NALF1: variants seen among roughly 807,000 people sequenced by gnomAD.
The protein encoded by NALF1 is family with sequence similarity 155 member A.
A neutral mutation model predicts 48.4 loss-of-function variants in NALF1; 3 were observed. That is an observed-to-expected ratio of 0.06 (90% CI 0.03 to 0.16). NALF1 has a LOEUF of 0.16. Ranked by LOEUF, NALF1 falls within the 10% of genes least tolerant of loss-of-function variation. The pLI, the probability that NALF1 is intolerant of heterozygous loss-of-function variation, is 1.00. For synonymous variants in NALF1, 262 were observed against 245.7 expected (o/e 1.07, Z -0.62); for missense variants, 526 against 571.5 (o/e 0.92, Z 0.81).
intron 1 of NALF1, among the ~76,000 whole-genome samples, chr13:107,748,807 T>G (rs1876852069): frequency 6.6e-6 from 1 of 152,174 alleles, no homozygotes; most frequent in African/African-American, 2.4e-5. Context: ...TATTTGGGTT[T>G]TACCCACAAA....
intron 1 of NALF1, among the ~76,000 whole-genome samples, chr13:107,336,608 T>C (rs1882562076): frequency 6.6e-6 from 1 of 152,052 alleles, no homozygotes; most frequent in Non-Finnish European, 1.5e-5. Context: ...ACTCACACAC[T>C]CTCAACCAAC....
At chr13:107,540,211 A>G (rs1445318794) in intron 1 of NALF1, among the ~76,000 whole-genome samples, 2 of 152,124 alleles carry the variant, frequency 1.3e-5, no homozygotes, top group Non-Finnish European at 2.9e-5. Flanking sequence ...CTCTTTAAGT[A>G]TAGTAGGAAT....
At chr13:107,686,913 T>G (rs112024374) in intron 1 of NALF1, among the ~76,000 whole-genome samples, 10 of 152,132 alleles carry the variant, frequency 6.6e-5, no homozygotes, top group African/African-American at 2.4e-4. Context: ...GAACTAAAAA[T>G]AGATCTACCA....
chr13:107,854,877 AAAAAAAG>A (rs1880405388), intron 1 of NALF1, among the ~76,000 whole-genome samples: 1 of 151,380 alleles, frequency 6.6e-6, no homozygotes, highest in Admixed American at 6.6e-5. Context: ...TCAAAAAAAA[AAAAAAAG>A]AAAAAAAGAC....
chr13:107,413,195 T>C (rs1884022132), intron 1 of NALF1, among the ~76,000 whole-genome samples: 1 of 151,290 alleles, frequency 6.6e-6, no homozygotes, highest in Non-Finnish European at 1.5e-5. Flanking sequence ...ATGAAATAGT[T>C]AGTATTCATT....
At chr13:107,818,194 G>C (rs1387368481) in intron 1 of NALF1, among the ~76,000 whole-genome samples, 1 of 152,144 alleles carries the variant, frequency 6.6e-6, no homozygotes, top group Non-Finnish European at 1.5e-5. Flanking sequence ...ATCTTGAGGA[G>C]AGGTAAGCTT....
intron 2 of NALF1, among the ~76,000 whole-genome samples, chr13:107,205,315 T>G (rs974524118): frequency 2.0e-5 from 3 of 152,218 alleles, no homozygotes; most frequent in African/African-American, 7.2e-5. Flanking sequence ...AAATGTTTTT[T>G]CTTTTGCAGT....
intron 1 of NALF1, among the ~76,000 whole-genome samples, chr13:107,357,146 T>C (rs1242780244): frequency 6.6e-6 from 1 of 152,100 alleles, no homozygotes; most frequent in Non-Finnish European, 1.5e-5. Flanking sequence ...GACTGGGTAA[T>C]TTACAAAGGA....
At chr13:107,662,185 T>C (rs2093166805) in intron 1 of NALF1, among the ~76,000 whole-genome samples, 1 of 152,192 alleles carries the variant, frequency 6.6e-6, no homozygotes, top group Non-Finnish European at 1.5e-5. Context: ...ACTCTTCTCC[T>C]TCCCTTGGTG....
intron 1 of NALF1, among the ~76,000 whole-genome samples, chr13:107,777,021 G>A (rs1441457810): frequency 6.6e-6 from 1 of 152,100 alleles, no homozygotes; most frequent in Non-Finnish European, 1.5e-5. Context: ...GTGCCCAGGA[G>A]GTTGAAGCTT....
chr13:107,644,335 G>A (rs1277235351), intron 1 of NALF1, among the ~76,000 whole-genome samples: 1 of 150,934 alleles, frequency 6.6e-6, no homozygotes, highest in Non-Finnish European at 1.5e-5. Flanking sequence ...TACATACTCA[G>A]AAACATACGT....
chr13:107,636,228 T>C (rs955820291), intron 1 of NALF1, among the ~76,000 whole-genome samples: 2 of 152,090 alleles, frequency 1.3e-5, no homozygotes, highest in Non-Finnish European at 2.9e-5. Flanking sequence ...ACGGCCGAAT[T>C]ATTGAATCCA....
At position 107,854,945 on chromosome 13, in the gene NALF1, G is replaced by C. The variant is rs199548561; in HGVS notation, c.915+10737C>G. Among the ~76,000 whole-genome samples the C allele has an allele frequency of 7.2e-5, 11 of 152,038 alleles. No homozygotes were observed. The East Asian group carries it at 2.1e-3, about 29-fold the overall frequency. On this transcript the variant is annotated intron_variant, in intron 1 of 2. Coordinates refer to ENST00000375915, the MANE Select transcript of NALF1 (RefSeq NM_001080396.3). ...TCTGTGAGGCAGTTCATTTGGACTA[G>C]GAAAAGGCCAACTTTTGGTAAGAAA...
intron 2 of NALF1, among the ~76,000 whole-genome samples, chr13:107,201,253 T>C (rs763644226): frequency 3.9e-4 from 59 of 152,308 alleles, no homozygotes; most frequent in Non-Finnish European, 7.2e-4. Context: ...GCACATATCA[T>C]AGGCCTTGGA....
In NALF1 at chr13:107,398,192, C is replaced by T. The variant is rs531299496; in HGVS notation, c.916-187437G>A. 8.5e-5 allele frequency among the ~76,000 whole-genome samples: 13 copies of T among 152,234 alleles called. No individual in the cohort carries two copies. The South Asian group carries it at 1.9e-3, about 22-fold the overall frequency. ...GTTTAGAATCTTGCTCCTTGCAAAA[C>T]GATCATTGCTTACGTATTTTCTTAT... On this transcript the variant is annotated intron_variant, in intron 1 of 2. Transcript: ENST00000375915.
At chr13:107,540,264 A>G (rs970713429) in intron 1 of NALF1, among the ~76,000 whole-genome samples, 1 of 151,962 alleles carries the variant, frequency 6.6e-6, no homozygotes, top group Non-Finnish European at 1.5e-5. Context: ...GTCTACTGAG[A>G]GGAAATGGAA....
At chr13:107,321,955 C>T (rs2138914562) in intron 1 of NALF1, among the ~76,000 whole-genome samples, 1 of 152,186 alleles carries the variant, frequency 6.6e-6, no homozygotes, top group South Asian at 2.1e-4. Context: ...TTAATGGAGC[C>T]TTAACCCCTT....
At position 107,832,264 on chromosome 13, in the gene NALF1, C is replaced by T. The variant is rs535660386; in HGVS notation, c.915+33418G>A. Among the ~76,000 whole-genome samples, 6 of 151,412 alleles carry T rather than the reference C, an allele frequency of 4.0e-5. No homozygotes were observed. The East Asian group carries it at 1.2e-3, about 29-fold the overall frequency. On this transcript the variant is annotated intron_variant, in intron 1 of 2. Transcript: ENST00000375915. ...AATATAATATTTATTATATTTAATC[C>T]ATTCTATTTAAGTAAAAAAGATATT...
At chr13:107,492,146 G>A (rs140224850) in intron 1 of NALF1, among the ~76,000 whole-genome samples, 1,874 of 150,394 alleles carry the variant, frequency 0.012, 23 homozygotes, top group South Asian at 0.035. Flanking sequence ...CACCTCCTGG[G>A]TTCATGCAAT....
Sources: allele counts gnomAD v4.1 joint callset (sites outside exome capture counted in the v4.1 genomes callset), GRCh38; gene constraint gnomAD v4.1.1; transcripts MANE v1.5; gene names NCBI Gene and HGNC (gene_info 2026-07-23, HGNC 2026-07-21).